The following PEX14 variants were observed in gnomAD, a reference collection of about 807,000 sequenced individuals.
The protein encoded by PEX14 is peroxisomal biogenesis factor 14.
Under a neutral mutation model 49.5 loss-of-function variants are expected in PEX14, and 15 were observed. That is an observed-to-expected ratio of 0.30 (90% CI 0.20 to 0.47). PEX14 has a LOEUF of 0.47. Ranked by LOEUF, PEX14 falls within the 20% of genes least tolerant of loss-of-function variation. The probability of loss-of-function intolerance (pLI) is 1.00; values close to 1 mark genes in which losing one functional copy is unlikely to be tolerated. For missense variants in PEX14, 398 were observed against 494.8 expected (o/e 0.80, Z 1.86); for synonymous variants, 210 against 212.7 (o/e 0.99, Z 0.11).
chr1:10,568,046 A>G (rs1639858356), intron 3 of PEX14, among the ~76,000 whole-genome samples: 1 of 152,180 alleles, frequency 6.6e-6, no homozygotes, highest in South Asian at 2.1e-4. Context: ...ACACCTAGCT[A>G]GATACTTATA....
intron 4 of PEX14, among the ~76,000 whole-genome samples, chr1:10,617,862 G>A (rs1283704653): frequency 2.6e-5 from 4 of 151,182 alleles, no homozygotes; most frequent in Non-Finnish European, 5.9e-5. Flanking sequence ...AGCGTACCAC[G>A]GTCCCCCTCT....
intron 3 of PEX14, among the ~76,000 whole-genome samples, chr1:10,565,631 C>T (rs1406080937): frequency 6.6e-6 from 1 of 152,016 alleles, no homozygotes; most frequent in Non-Finnish European, 1.5e-5. Context: ...TGTATTTTAC[C>T]CTTTCTTAGG....
chr1:10,479,022 A>C (rs1281758370), intron 1 of PEX14, among the ~76,000 whole-genome samples: 1 of 151,544 alleles, frequency 6.6e-6, no homozygotes, highest in African/African-American at 2.4e-5. Flanking sequence ...AAGTGCTGGG[A>C]TTACAGGTGT....
At chr1:10,616,526 C>T (rs529462863) in intron 4 of PEX14, among the ~76,000 whole-genome samples, 81 of 152,282 alleles carry the variant, frequency 5.3e-4, no homozygotes, top group Admixed American at 1.3e-3. Flanking sequence ...GGGCGCCTTC[C>T]GGATAGCTCT....
intron 3 of PEX14, among the ~76,000 whole-genome samples, chr1:10,561,093 G>A (rs9662101): frequency 0.97 from 146,976 of 152,248 alleles, 71,152 homozygotes; most frequent in East Asian, 1. Context: ...CTGACCATGT[G>A]AAAATAAATT....
At chr1:10,509,442 G>C (rs745486639) in intron 2 of PEX14, among the ~76,000 whole-genome samples, 9 of 152,156 alleles carry the variant, frequency 5.9e-5, no homozygotes, top group Non-Finnish European at 1.3e-4. Context: ...AATTCAGCCT[G>C]GTCCCCAGAG....
intron 2 of PEX14, among the ~76,000 whole-genome samples, chr1:10,527,092 T>C (rs1394587863): frequency 6.6e-6 from 1 of 151,642 alleles, no homozygotes; most frequent in East Asian, 1.9e-4. Context: ...CATGTGCCTG[T>C]AGTCCCAGCT....
At chr1:10,504,090 A>G (rs1199994178) in intron 2 of PEX14, among the ~76,000 whole-genome samples, 3 of 152,198 alleles carry the variant, frequency 2.0e-5, no homozygotes, top group Non-Finnish European at 4.4e-5. Flanking sequence ...AACCACGCAG[A>G]ATGATTTTTG....
At position 10,494,497 on chromosome 1, in the gene PEX14, T is replaced by C. The variant is rs1641522740; in HGVS notation, c.37-777T>C. 6.6e-6 allele frequency among the ~76,000 whole-genome samples: 1 copy of C among 152,234 alleles called. No individual in the cohort carries two copies. Among genetic ancestry groups the C allele is most frequent in the Admixed American group, 6.5e-5 (1 of 15,290 alleles). ...AATTTCTTCAGAATCTGTCTCTACC[T>C]CTGCCTCTCCCTTTCTCTAAATTTT... is the stretch of plus-strand genomic sequence containing the variant. On this transcript the variant is annotated intron_variant, in intron 1 of 8. Transcript: ENST00000356607. This position sits in a 1 kb window ranked among gnomAD's most constrained non-coding sequence, Gnocchi z 4.3.
At chr1:10,553,697 G>A (rs902050246) in intron 3 of PEX14, among the ~76,000 whole-genome samples, 1 of 152,134 alleles carries the variant, frequency 6.6e-6, no homozygotes, top group African/African-American at 2.4e-5. Flanking sequence ...AGAGTGGGCC[G>A]CTACTCCCAC....
intron 7 of PEX14, among the ~76,000 whole-genome samples, chr1:10,624,826 G>A (rs1353310830): frequency 6.6e-6 from 1 of 152,122 alleles, no homozygotes; most frequent in African/African-American, 2.4e-5. Flanking sequence ...AGGGGTTCTG[G>A]AACAGACAGG....
chr1:10,627,063 A>C (rs889399564), intron 7 of PEX14, among the ~76,000 whole-genome samples: 2 of 152,232 alleles, frequency 1.3e-5, no homozygotes, highest in African/African-American at 4.8e-5. Context: ...TTACGTCATC[A>C]GATGTCCAAA....
Position 10,500,154 on chromosome 1 carries a change from G to A in PEX14, c.84+4833G>A, listed in dbSNP as rs570774164. 1.4e-3 allele frequency among the ~76,000 whole-genome samples: 127 copies of A among 91,908 alleles called. 1 individual carries two copies. In the Middle Eastern group the frequency reaches 0.019, roughly 14 times the overall value. The allele number at this position is 91,908 out of a possible 152,430, so 60.3% of individuals were successfully genotyped here. A position where few individuals can be genotyped will look rare whatever the true frequency, so the allele number is the denominator to read the frequency against. On this transcript the variant is annotated intron_variant, in intron 2 of 8. Transcript: ENST00000356607. Reference sequence around the variant, plus strand: ...CACGGTGCTCACGCCTGTAATCCCAGCACTGTGGGAGGCCGAGGCGGGTGG... The same window carrying A: ...CACGGTGCTCACGCCTGTAATCCCAACACTGTGGGAGGCCGAGGCGGGTGG...
intron 3 of PEX14, among the ~76,000 whole-genome samples, chr1:10,577,492 C>G (rs1268100478): frequency 1.6e-5 from 2 of 126,060 alleles, no homozygotes; most frequent in Non-Finnish European, 3.2e-5. Flanking sequence ...ATAATACTCC[C>G]ATATGGCAAC....
chr1:10,504,584 A>C (rs1264509182), intron 2 of PEX14, among the ~76,000 whole-genome samples: 1 of 152,092 alleles, frequency 6.6e-6, no homozygotes, highest in African/African-American at 2.4e-5. Flanking sequence ...GTCTGCCAAG[A>C]GGCCTTTCTC....
At chr1:10,555,642 A>AGAGTGT (rs71583878) in intron 3 of PEX14, among the ~76,000 whole-genome samples, 9 of 149,476 alleles carry the variant, frequency 6.0e-5, no homozygotes, top group East Asian at 2.0e-4. Flanking sequence ...GCAAGGTGTG[A>AGAGTGT]GTGTGTGTGT....
At chr1:10,509,630 C>T (rs1282152274) in intron 2 of PEX14, among the ~76,000 whole-genome samples, 1 of 152,162 alleles carries the variant, frequency 6.6e-6, no homozygotes, top group East Asian at 1.9e-4. Context: ...ACTGACCAGA[C>T]TGGCAGAGCT....
Position 10,495,241 on chromosome 1 carries a change from T to C in PEX14, c.37-33T>C. On this transcript the variant is annotated intron_variant, in intron 1 of 8. Transcript: ENST00000356607. The surrounding 1 kb of genome is among the most constrained non-coding windows in gnomAD (Gnocchi z 4.2). ...TTTTGATGTCCATTGGGTGGCACTG[T>C]GATCTTATTTTTGTTTCCATTTTTC... The C allele has an allele frequency of 6.2e-7, 1 of 1,610,530 alleles. No individual in the cohort carries two copies. The highest frequency in any genetic ancestry group is 8.5e-7 in the Non-Finnish European group (1 of 1,176,814).
chr1:10,581,594 G>T (rs375383864), intron 3 of PEX14, among the ~76,000 whole-genome samples: 3 of 151,700 alleles, frequency 2.0e-5, no homozygotes, highest in African/African-American at 7.3e-5. Context: ...GTGAGCCACC[G>T]TGCCTGGCTA....
Sources: gnomAD v4.1 joint callset for allele counts (sites outside exome capture counted in the v4.1 genomes callset) on GRCh38, gnomAD v4.1.1 for gene constraint, Gnocchi (gnomAD v3.1) non-coding constraint, MANE v1.5 for transcripts, NCBI Gene and HGNC (gene_info 2026-07-23, HGNC 2026-07-21) for gene names.